Variants in CHRM3 observed in about 807,000 individuals in gnomAD.
The protein encoded by CHRM3 is cholinergic receptor muscarinic 3, also known as muscarinic acetylcholine receptor M3.
A neutral mutation model predicts 41.8 loss-of-function variants in CHRM3; 11 were observed. That is an observed-to-expected ratio of 0.26 (90% CI 0.17 to 0.44). The LOEUF is 0.44. Ranked by LOEUF, CHRM3 falls within the 20% of genes least tolerant of loss-of-function variation. The pLI is 1.00. For missense variants in CHRM3, 571 were observed against 745.4 expected (o/e 0.77, Z 2.72); for synonymous variants, 297 against 301.4 (o/e 0.99, Z 0.15).
chr1:239,538,169 C>G (rs1658392903), intron 2 of CHRM3, among the ~76,000 whole-genome samples: 1 of 152,166 alleles, frequency 6.6e-6, no homozygotes, highest in East Asian at 1.9e-4. Flanking sequence ...AATGAGATTG[C>G]AGCTTAGCCT....
intron 3 of CHRM3, among the ~76,000 whole-genome samples, chr1:239,559,064 T>G (rs775839752): frequency 1.5e-4 from 23 of 152,140 alleles, no homozygotes; most frequent in Non-Finnish European, 2.9e-4. Flanking sequence ...CCTTAACCAC[T>G]GACATAAGCT....
Position 239,734,001 on chromosome 1 carries a change from T to G in CHRM3, c.-147+55713T>G, listed in dbSNP as rs1664193003. Among the ~76,000 whole-genome samples the G allele has an allele frequency of 3.3e-5, 5 of 152,100 alleles. No individual in the cohort carries two copies. The South Asian group carries it at 8.3e-4, about 25-fold the overall frequency. The stretch of plus-strand genomic sequence containing the variant: ...AGAAACTACTACACCCTGAAGACTT[T>G]CCACACTTTTACGCAATGTGGAGGG... On this transcript the variant is annotated intron_variant, in intron 5 of 6. Coordinates refer to ENST00000676153, the MANE Select transcript of CHRM3 (RefSeq NM_001375978.1).
Position 239,668,417 on chromosome 1 carries a change from C to G in CHRM3, c.-249-9769C>G, listed in dbSNP as rs141368641. ...ATACACTTTTAAAATGTGATGTGTC[C>G]CCCACTTCTCGAACCTCTTTTCCTT... On this transcript the variant is annotated intron_variant, in intron 4 of 6. Transcript: ENST00000676153. 1.4e-3 allele frequency among the ~76,000 whole-genome samples: 209 copies of G among 152,046 alleles called. 2 individuals carry two copies. Among genetic ancestry groups the G allele is most frequent in the African/African-American group, 4.8e-3 (199 of 41,470 alleles).
intron 1 of CHRM3, among the ~76,000 whole-genome samples, chr1:239,440,119 A>G (rs1230743929): frequency 6.6e-6 from 1 of 150,596 alleles, no homozygotes; most frequent in Non-Finnish European, 1.5e-5. Context: ...AGTCACTTGA[A>G]CCTGGGATTT....
intron 1 of CHRM3, among the ~76,000 whole-genome samples, chr1:239,396,600 C>T (rs1659500959): frequency 6.6e-6 from 1 of 152,060 alleles, no homozygotes; most frequent in African/African-American, 2.4e-5. Context: ...GGCAACAGAA[C>T]AAGATCCAGT....
Position 239,718,249 on chromosome 1 carries a change from G to A in CHRM3, c.-147+39961G>A, listed in dbSNP as rs547627288. Among the ~76,000 whole-genome samples the A allele has an allele frequency of 3.3e-5, 5 of 152,124 alleles. No homozygotes were observed. In the South Asian group the frequency reaches 1.0e-3, roughly 31 times the overall value. On this transcript the variant is annotated intron_variant, in intron 5 of 6. Transcript: ENST00000676153. ...AGTGTATATTTTCCAATCACAACTG[G>A]AATTTTAAGTGAGTGAAATGGAATA...
chr1:239,458,901 G>A (rs1488774874), intron 1 of CHRM3, among the ~76,000 whole-genome samples: 1 of 152,114 alleles, frequency 6.6e-6, no homozygotes, highest in Non-Finnish European at 1.5e-5. Flanking sequence ...CCCCCCATCA[G>A]GGTGGAACTC....
At chr1:239,616,912 A>T (rs1017894563) in intron 3 of CHRM3, among the ~76,000 whole-genome samples, 20 of 145,092 alleles carry the variant, frequency 1.4e-4, no homozygotes, top group Non-Finnish European at 7.5e-5. Flanking sequence ...TCTTAGAAAG[A>T]TACATTTACT....
chr1:239,586,812 T>C (rs759268151), intron 3 of CHRM3, among the ~76,000 whole-genome samples: 4 of 152,182 alleles, frequency 2.6e-5, no homozygotes, highest in Non-Finnish European at 5.9e-5. Flanking sequence ...AGTTCTAGGA[T>C]TGATACTAAA....
chr1:239,435,385 G>T (rs1390916825), intron 1 of CHRM3, among the ~76,000 whole-genome samples: 3 of 151,490 alleles, frequency 2.0e-5, no homozygotes. Context: ...GGAGGCAGAG[G>T]TTGCAGTGAG....
At chr1:239,778,382 A>T (rs549123333) in intron 5 of CHRM3, among the ~76,000 whole-genome samples, 5 of 152,166 alleles carry the variant, frequency 3.3e-5, no homozygotes, top group South Asian at 2.1e-4. Flanking sequence ...TCTTAAATTT[A>T]CTTCTGAAAT....
intron 4 of CHRM3, among the ~76,000 whole-genome samples, chr1:239,674,084 A>G (rs1272028916): frequency 6.6e-6 from 1 of 152,100 alleles, no homozygotes; most frequent in Non-Finnish European, 1.5e-5. Context: ...AACCTGAAAC[A>G]CTTCTGATCC....
chr1:239,501,430 C>G (rs1200525404), intron 2 of CHRM3, among the ~76,000 whole-genome samples: 1 of 152,164 alleles, frequency 6.6e-6, no homozygotes, highest in Non-Finnish European at 1.5e-5. Flanking sequence ...CAAGCATTCT[C>G]TCAGACCACA....
intron 5 of CHRM3, among the ~76,000 whole-genome samples, chr1:239,715,019 G>T (rs1662196095): frequency 1.3e-5 from 2 of 152,036 alleles, no homozygotes; most frequent in South Asian, 4.1e-4. Context: ...GGAGGTAAGG[G>T]GGAATTCAGG....
intron 6 of CHRM3, among the ~76,000 whole-genome samples, chr1:239,885,645 G>A (rs1052949361): frequency 1.2e-4 from 19 of 152,204 alleles, no homozygotes; most frequent in South Asian, 4.1e-4. Flanking sequence ...CTTCAGCGAC[G>A]CATTCATTGT....
chr1:239,465,424 G>T, intron 1 of CHRM3, among the ~76,000 whole-genome samples: 1 of 152,232 alleles, frequency 6.6e-6, no homozygotes, highest in Non-Finnish European at 1.5e-5. Flanking sequence ...TAGGACTAAA[G>T]AGTCTTGAAT....
chr1:239,534,192 G>A (rs1657973805), intron 2 of CHRM3, among the ~76,000 whole-genome samples: 1 of 152,118 alleles, frequency 6.6e-6, no homozygotes, highest in South Asian at 2.1e-4. Context: ...GCCAGGCCTG[G>A]TGGCAGATGC....
chr1:239,832,210 G>T (rs1319012382), intron 6 of CHRM3, among the ~76,000 whole-genome samples: 11 of 152,104 alleles, frequency 7.2e-5, no homozygotes, highest in African/African-American at 2.7e-4. Flanking sequence ...TTTTTCATGG[G>T]TTCGTGGCCA....
At chr1:239,453,902 T>A (rs181219825) in intron 1 of CHRM3, among the ~76,000 whole-genome samples, 4 of 151,836 alleles carry the variant, frequency 2.6e-5, no homozygotes, top group African/African-American at 9.7e-5. Context: ...GGGGAAGCAA[T>A]GAAGGATGGG....
Sources: gnomAD v4.1 joint callset for allele counts (sites outside exome capture counted in the v4.1 genomes callset) on GRCh38, gnomAD v4.1.1 for gene constraint, MANE v1.5 for transcripts, NCBI Gene and HGNC (gene_info 2026-07-23, HGNC 2026-07-21) for gene names.